The following TM4SF4 variants were observed in gnomAD, a reference collection of about 807,000 sequenced individuals.
TM4SF4 encodes transmembrane 4 L six family member 4, also known as transmembrane 4 L6 family member 4.
A neutral mutation model predicts 24.1 loss-of-function variants in TM4SF4; 24 were observed. The observed-to-expected ratio is 1.00, with a 90% CI of 0.72 to 1.40. TM4SF4 has a LOEUF of 1.40. TM4SF4 is among the 40% of genes most tolerant of loss of function. The probability of loss-of-function intolerance (pLI) is 0.00; values close to 1 mark genes in which losing one functional copy is unlikely to be tolerated. For missense variants in TM4SF4, 254 were observed against 254.2 expected (o/e 1.00, Z 0.01); for synonymous variants, 113 against 97.0 (o/e 1.17, Z -0.97).
At chr3:149,502,470 A>C (rs1272225011) in intron 4 of TM4SF4, among the ~76,000 whole-genome samples, 2 of 152,246 alleles carry the variant, frequency 1.3e-5, no homozygotes, top group Non-Finnish European at 2.9e-5. Context: ...GATGCAAAAC[A>C]AAATGAAGCT....
At chr3:149,486,132 C>G (rs1297997513) in intron 2 of TM4SF4, among the ~76,000 whole-genome samples, 1 of 152,152 alleles carries the variant, frequency 6.6e-6, no homozygotes. Context: ...ACGATCAGGT[C>G]CTCTTCACCT....
Position 149,474,922 on chromosome 3 carries a change from T to G in TM4SF4, c.45T>G (p.Ile15Met), listed in dbSNP as rs769226155. 1.2e-5 allele frequency: 20 copies of G among 1,613,948 alleles called. No homozygotes were observed. Among genetic ancestry groups the G allele is most frequent in the Middle Eastern group, 1.6e-4 (1 of 6,062 alleles). The change falls in exon 1 of 5, where the codon ATT becomes ATG. Residue 15 changes from isoleucine (I) to methionine (M), a missense_variant. Ile to Met is a conservative substitution (Grantham distance 10). Transcript: ENST00000305354. ...CCAGATGCCTGGGGGGGACCCTCAT[T>G]CCCCTTGCTTTTTTTGGCTTCCTGG... Reference protein sequence around the residue: ...GCARCLGGTLIPLAFFGFLAN... With the variant: ...GCARCLGGTLMPLAFFGFLAN...
At chr3:149,491,607 T>C (rs755186300) in intron 3 of TM4SF4, among the ~76,000 whole-genome samples, 5 of 152,122 alleles carry the variant, frequency 3.3e-5, no homozygotes, top group Non-Finnish European at 7.3e-5. Flanking sequence ...ATGTAGTCAG[T>C]ATCTTATTTT....
At chr3:149,502,499 A>G (rs1427985218) in intron 4 of TM4SF4, among the ~76,000 whole-genome samples, 177 bp from the exon 5 acceptor site, 1 of 152,222 alleles carries the variant, frequency 6.6e-6, no homozygotes, top group Non-Finnish European at 1.5e-5. Flanking sequence ...TATAACCTCA[A>G]CACAGGTGGG....
chr3:149,475,009 A>T lies in TM4SF4; in HGVS notation c.132A>T (p.Gln44His), dbSNP rs779335514. 5.0e-6 allele frequency: 8 copies of T among 1,613,684 alleles called. No individual in the cohort carries two copies. In the Admixed American group the frequency reaches 1.2e-4, roughly 24 times the overall value. The stretch of plus-strand genomic sequence containing the variant: ...TAGATGACAACGACCACCTTTCCCA[A>T]GAGATCTGGTTTTTCGGAGGAATAT... ...KVIDDNDHLS[Q>H]EIWFFGGILG... The change falls in exon 1 of 5, where the codon CAA becomes CAT. Residue 44 changes from glutamine to histidine, a missense_variant. Coordinates refer to ENST00000305354, the MANE Select transcript of TM4SF4 (RefSeq NM_004617.4).
At chr3:149,486,721 G>T (rs1351790501) in intron 2 of TM4SF4, among the ~76,000 whole-genome samples, 7 of 152,272 alleles carry the variant, frequency 4.6e-5, no homozygotes, top group African/African-American at 1.4e-4. Context: ...TTAACTTAAA[G>T]AAGAGAAAAT....
intron 4 of TM4SF4, among the ~76,000 whole-genome samples, chr3:149,499,994 T>C (rs1169222011): frequency 1.6e-4 from 24 of 152,152 alleles, no homozygotes; most frequent in Non-Finnish European, 1.5e-5. Flanking sequence ...AGTTGGAAAG[T>C]CTCCCTCCGG....
At chr3:149,475,334 T>C (rs548045372) in intron 1 of TM4SF4, among the ~76,000 whole-genome samples, 1 of 152,280 alleles carries the variant, frequency 6.6e-6, no homozygotes, top group East Asian at 1.9e-4. Flanking sequence ...AGTTTCTTGA[T>C]TCCAACAAGA....
chr3:149,502,154 C>T (rs1734439900), intron 4 of TM4SF4, among the ~76,000 whole-genome samples: 2 of 152,164 alleles, frequency 1.3e-5, no homozygotes, highest in African/African-American at 4.8e-5. Context: ...CTGGGTTCTG[C>T]CTCCCTGGTT....
rs149210837 is a variant in TM4SF4, at chr3:149,484,831, C to A, written c.265-2788C>A. ...CCCCGCAAAGTGCTGGGATTACAGT[C>A]GTGAGCCACCACGCTAGGCCTAGAA... On this transcript the variant is annotated intron_variant, in intron 2 of 4. Coordinates refer to ENST00000305354, the MANE Select transcript of TM4SF4 (RefSeq NM_004617.4). Among the ~76,000 whole-genome samples, 663 of 152,286 alleles carry A rather than the reference C, an allele frequency of 4.4e-3. 4 individuals carry two copies. The highest frequency in any genetic ancestry group is 0.01 in the African/African-American group (431 of 41,548).
chr3:149,500,706 T>C lies in TM4SF4; in HGVS notation c.591+1795T>C, dbSNP rs1053743281. On this transcript the variant is annotated intron_variant, in intron 4 of 4. Coordinates refer to ENST00000305354, the MANE Select transcript of TM4SF4 (RefSeq NM_004617.4). ...TGGTAAATTTTCTTTGCAAGATTTA[T>C]TGAAAATATGATTACTTTGGCTGGA... is the stretch of plus-strand genomic sequence containing the variant. 3.3e-5 allele frequency among the ~76,000 whole-genome samples: 5 copies of C among 152,290 alleles called. No homozygotes were observed. In the East Asian group the frequency reaches 7.7e-4, roughly 23 times the overall value.
intron 3 of TM4SF4, among the ~76,000 whole-genome samples, chr3:149,496,422 C>A (rs1404806468): frequency 1.3e-5 from 2 of 151,854 alleles, no homozygotes; most frequent in African/African-American, 4.8e-5. Flanking sequence ...AACAACTTGA[C>A]CAAAAATCTG....
At chr3:149,489,405 G>A (rs879460401) in intron 3 of TM4SF4, among the ~76,000 whole-genome samples, 44 of 152,272 alleles carry the variant, frequency 2.9e-4, no homozygotes, top group South Asian at 1.4e-3. Flanking sequence ...TACTACCCTA[G>A]GAATTTAAAG....
intron 3 of TM4SF4, among the ~76,000 whole-genome samples, chr3:149,491,772 G>T (rs971403249): frequency 6.6e-6 from 1 of 152,136 alleles, no homozygotes; most frequent in African/African-American, 2.4e-5. Flanking sequence ...CTTCGAGAAG[G>T]TGACATGGGC....
At chr3:149,476,011 C>A in intron 2 of TM4SF4, 99 bp downstream of exon 2, 2 of 1,007,862 alleles carry the variant, frequency 2.0e-6, no homozygotes, top group Non-Finnish European at 3.1e-6. Flanking sequence ...CAGCTCCAGC[C>A]AGGACTCTGG....
chr3:149,501,314 A>AT (rs1160726656), intron 4 of TM4SF4, among the ~76,000 whole-genome samples: 1 of 151,436 alleles, frequency 6.6e-6, no homozygotes, highest in Non-Finnish European at 1.5e-5. Context: ...AGAATTGTCC[A>AT]TTTTTTTCCC....
intron 3 of TM4SF4, among the ~76,000 whole-genome samples, chr3:149,491,205 G>A (rs559349094): frequency 1.3e-5 from 2 of 150,772 alleles, no homozygotes; most frequent in South Asian, 4.2e-4. Flanking sequence ...CAGCACTTTG[G>A]GATGCTGAGG....
chr3:149,477,734 G>A (rs977802739), intron 2 of TM4SF4, among the ~76,000 whole-genome samples: 1 of 152,072 alleles, frequency 6.6e-6, no homozygotes, highest in Non-Finnish European at 1.5e-5. Context: ...ATATAATCAT[G>A]TAATATACGT....
At chr3:149,485,886 G>A (rs1254723109) in intron 2 of TM4SF4, among the ~76,000 whole-genome samples, 1 of 152,164 alleles carries the variant, frequency 6.6e-6, no homozygotes. Context: ...TAGAGTACAG[G>A]GGTTGGAAGA....
Sources: gnomAD v4.1 joint callset for allele counts (sites outside exome capture counted in the v4.1 genomes callset) on GRCh38, gnomAD v4.1.1 for gene constraint, MANE v1.5 for transcripts, NCBI Gene and HGNC (gene_info 2026-07-23, HGNC 2026-07-21) for gene names.